GRK2: variants seen among roughly 807,000 people sequenced by gnomAD.
GRK2 encodes the protein G protein-coupled receptor kinase 2.
In GRK2, 23 loss-of-function variants were observed where a neutral mutation model predicts 97.8. The ratio of observed to expected loss-of-function variants is 0.24; its 90% CI spans 0.17 to 0.33. The LOEUF (loss-of-function observed/expected upper bound fraction) is 0.33, where lower values mean the gene tolerates loss of function less well. Among genes scored for constraint, GRK2 ranks in the 10% least tolerant of loss-of-function variants. The probability of loss-of-function intolerance (pLI) is 1.00; values close to 1 mark genes in which losing one functional copy is unlikely to be tolerated. For synonymous variants in GRK2, 425 were observed against 381.7 expected, an observed-to-expected ratio of 1.11 and a Z score of -1.32; for missense variants, 633 against 956.9, an observed-to-expected ratio of 0.66 and a Z score of 4.47.
At chr11:67,272,007 A>G (rs61759813) in intron 1 of GRK2, among the ~76,000 whole-genome samples, 4,054 of 152,220 alleles carry the variant, frequency 0.027, 91 homozygotes, top group Non-Finnish European at 0.039. Context: ...GCCGCACCAG[A>G]CCTGCCAGGC....
rs553899197 is a variant in GRK2 at position 67,286,208 on chromosome 11, C to T, written c.*758C>T. The T allele has an allele frequency of 9.0e-6, 5 of 556,502 alleles. No homozygotes were observed. The highest frequency in any genetic ancestry group is 4.7e-4 in the Middle Eastern group (1 of 2,130). The allele number at this position is 556,502 out of a possible 1,614,324, so 34.5% of individuals were successfully genotyped here. A position where few individuals can be genotyped will look rare whatever the true frequency, so the allele number is the denominator to read the frequency against. On this transcript the variant is annotated 3_prime_UTR_variant, in exon 21 of 21. Transcript: ENST00000308595. ...GGTCTCGCTGATGCTGGGCTGGGTG[C>T]GACCCCATCTGCCCAGGACGGGGCC...
intron 3 of GRK2, 66 bp from the exon 4 acceptor site, chr11:67,279,352 T>G (rs1860098055): frequency 1.2e-6 from 2 of 1,603,412 alleles, no homozygotes; most frequent in South Asian, 2.2e-5. Context: ...ACCCACAAGC[T>G]GCCTGGTGTG....
At position 67,285,282 on chromosome 11, in the gene GRK2, G is replaced by A; in HGVS notation, c.1906-4G>A. The A allele has an allele frequency of 6.2e-7, 1 of 1,608,802 alleles. No homozygotes were observed. Among genetic ancestry groups the A allele is most frequent in the Non-Finnish European group, 8.5e-7 (1 of 1,177,786 alleles). The stretch of plus-strand genomic sequence containing the variant: ...GCTGACAGAGCTGGGCTTGGCATGT[G>A]CAGAGCGACCCTGAGCTGGTGCAGT... On this transcript the variant is annotated splice_region_variant and splice_polypyrimidine_tract_variant and intron_variant, in intron 20 of 20. Coordinates refer to ENST00000308595, the MANE Select transcript of GRK2 (RefSeq NM_001619.5).
At chr11:67,280,129 CT>C (rs1289859328) in intron 6 of GRK2, 1 of 574,370 alleles carries the variant, frequency 1.7e-6, no homozygotes, top group Non-Finnish European at 3.1e-6. Context: ...CCCAGGCAGT[CT>C]CCTAGCTCCA....
rs923400740 is a variant in GRK2, at chr11:67,281,564, C to G, written c.747+6C>G. On this transcript the variant is annotated splice_donor_region_variant and intron_variant, in intron 9 of 20. Transcript: ENST00000308595. This position sits in a 1 kb window ranked among gnomAD's most constrained non-coding sequence, Gnocchi z 5.7. Reference sequence around the variant, plus strand: ...TCTCGCTCGTCAGCACTGGGGTGAGCTGGGTGGGCCGGGCTGCCGCTGAGG... The same window carrying G: ...TCTCGCTCGTCAGCACTGGGGTGAGGTGGGTGGGCCGGGCTGCCGCTGAGG... The G allele has an allele frequency of 3.7e-6, 6 of 1,612,990 alleles. No individual in the cohort carries two copies. The highest frequency in any genetic ancestry group is 4.2e-6 in the Non-Finnish European group (5 of 1,179,762).
At chr11:67,277,824 T>C (rs61762558) in intron 2 of GRK2, among the ~76,000 whole-genome samples, 1 of 152,172 alleles carries the variant, frequency 6.6e-6, no homozygotes, top group African/African-American at 2.4e-5. Flanking sequence ...TGTCAGAAGT[T>C]TCATGTGACC....
At position 67,285,272 on chromosome 11, in the gene GRK2, C is replaced by T. The variant is rs764698187; in HGVS notation, c.1906-14C>T. ...GAGAGCCCCAGCTGACAGAGCTGGG[C>T]TTGGCATGTGCAGAGCGACCCTGAG... On this transcript the variant is annotated splice_polypyrimidine_tract_variant and intron_variant, in intron 20 of 20. Coordinates refer to ENST00000308595, the MANE Select transcript of GRK2 (RefSeq NM_001619.5). The T allele has an allele frequency of 5.0e-6, 8 of 1,608,802 alleles. No homozygotes were observed. In the South Asian group the frequency reaches 6.6e-5, roughly 13 times the overall value.
chr11:67,276,220 C>T lies in GRK2; in HGVS notation c.114-1052C>T, dbSNP rs889173522. 6.6e-6 allele frequency among the ~76,000 whole-genome samples: 1 copy of T among 152,230 alleles called. No homozygotes were observed. Among genetic ancestry groups the T allele is most frequent in the Non-Finnish European group, 1.5e-5 (1 of 68,044 alleles). On this transcript the variant is annotated intron_variant, in intron 1 of 20. Transcript: ENST00000308595. This position sits in a 1 kb window ranked among gnomAD's most constrained non-coding sequence, Gnocchi z 4.2. ...CCTTCAGGCCCCCAGCCTTGCAATG[C>T]CCTCAGCATGGCAGCTACACGTTAC...
rs773299198 is a variant in GRK2, at chr11:67,281,797, C to T, written c.827-25C>T. On this transcript the variant is annotated intron_variant, in intron 10 of 20. Coordinates refer to ENST00000308595, the MANE Select transcript of GRK2 (RefSeq NM_001619.5). This position sits in a 1 kb window ranked among gnomAD's most constrained non-coding sequence, Gnocchi z 5.7. ...GGAGGCTGGGGCAAGACACTGAGTG[C>T]TGCCTGTGGGACTGCCTCCCTCAGG... 3.7e-6 allele frequency: 6 copies of T among 1,613,698 alleles called. No homozygotes were observed. In the South Asian group the frequency reaches 6.6e-5, roughly 18 times the overall value.
chr11:67,280,804 C>T, intron 7 of GRK2, 21 bp downstream of exon 7: 4 of 1,613,494 alleles, frequency 2.5e-6, no homozygotes, highest in Non-Finnish European at 3.4e-6. Flanking sequence ...TTGGGTGGGG[C>T]ATGGAAAGCC....
intron 1 of GRK2, among the ~76,000 whole-genome samples, chr11:67,270,643 G>A (rs994588234): frequency 1.3e-4 from 20 of 152,232 alleles, no homozygotes; most frequent in Middle Eastern, 6.8e-3. Context: ...CAGTGGCAGC[G>A]TTCTCCCAAC....
At chr11:67,277,993 G>C (rs1860070734) in intron 2 of GRK2, among the ~76,000 whole-genome samples, 1 of 152,222 alleles carries the variant, frequency 6.6e-6, no homozygotes, top group African/African-American at 2.4e-5. Flanking sequence ...GGTCAGCCTG[G>C]GGGAGTCGGT....
intron 2 of GRK2, among the ~76,000 whole-genome samples, chr11:67,278,661 G>C (rs1322738928): frequency 6.6e-6 from 1 of 152,236 alleles, no homozygotes; most frequent in Non-Finnish European, 1.5e-5. Context: ...GTGCAAATCA[G>C]CCAGACACTG....
At chr11:67,271,877 T>C (rs1317816554) in intron 1 of GRK2, among the ~76,000 whole-genome samples, 1 of 152,236 alleles carries the variant, frequency 6.6e-6, no homozygotes, top group Non-Finnish European at 1.5e-5. Flanking sequence ...CTTCTGCTGC[T>C]GGCACCTTGG....
intron 1 of GRK2, among the ~76,000 whole-genome samples, chr11:67,272,859 CAGGCCCCATCCTCCA>C (rs1451232795): frequency 2.0e-5 from 3 of 152,258 alleles, no homozygotes; most frequent in South Asian, 2.1e-4. Flanking sequence ...GCCCTGGCCA[CAGGCCCCATCCTCCA>C]AGGCCCCATC....
chr11:67,273,310 G>T (rs1351016579), intron 1 of GRK2, among the ~76,000 whole-genome samples: 1 of 152,226 alleles, frequency 6.6e-6, no homozygotes, highest in Non-Finnish European at 1.5e-5. Flanking sequence ...AGGCCGCTTG[G>T]TTCTCCTGAT....
Position 67,286,039 on chromosome 11 carries a change from C to T in GRK2, c.*589C>T, listed in dbSNP as rs1860273720. 3 of 282,300 alleles carry T rather than the reference C, an allele frequency of 1.1e-5. No homozygotes were observed. The highest frequency in any genetic ancestry group is 4.7e-5 in the South Asian group (1 of 21,140). The allele number at this position is 282,300 out of a possible 1,614,324, so 17.5% of individuals were successfully genotyped here. A position where few individuals can be genotyped will look rare whatever the true frequency, so the allele number is the denominator to read the frequency against. ...CTCCACTCCCACTTCCCTGACACTG[C>T]GGGGCTTGGCTGAGAGAGTGGCATT... On this transcript the variant is annotated 3_prime_UTR_variant, in exon 21 of 21. Transcript: ENST00000308595.
Position 67,282,375 on chromosome 11 carries a change from C to A in GRK2, c.1052+10C>A. ...AGCCCCATGCCAGCGTGTGAGTGCC[C>A]CCCACCCTCTCCCTCCCCACCCCTT... On this transcript the variant is annotated intron_variant, in intron 12 of 20. Coordinates refer to ENST00000308595, the MANE Select transcript of GRK2 (RefSeq NM_001619.5). This position sits in a 1 kb window ranked among gnomAD's most constrained non-coding sequence, Gnocchi z 6.9. The A allele has an allele frequency of 6.2e-7, 1 of 1,612,990 alleles. No homozygotes were observed. Among genetic ancestry groups the A allele is most frequent in the Non-Finnish European group, 8.5e-7 (1 of 1,179,518 alleles).
At chr11:67,270,882 G>C (rs1411085913) in intron 1 of GRK2, 2 of 152,182 alleles carry the variant, frequency 1.3e-5, no homozygotes, top group Non-Finnish European at 2.9e-5. Context: ...GGGGAACCTG[G>C]GCTGTTAACC....
Sources: gnomAD v4.1 joint callset for allele counts (sites outside exome capture counted in the v4.1 genomes callset) on GRCh38, gnomAD v4.1.1 for gene constraint, Gnocchi (gnomAD v3.1) non-coding constraint, MANE v1.5 for transcripts, NCBI Gene and HGNC (gene_info 2026-07-23, HGNC 2026-07-21) for gene names.